Variants in DNM3 observed in about 807,000 individuals in gnomAD.
DNM3 encodes dynamin 3.
Under a neutral mutation model 101.6 loss-of-function variants are expected in DNM3, and 47 were observed. That is an observed-to-expected ratio of 0.46 (90% CI 0.37 to 0.59). The LOEUF is 0.59. Among genes scored for constraint, DNM3 ranks in the 20% least tolerant of loss-of-function variants. The probability of loss-of-function intolerance (pLI) is 0.00; values close to 1 mark genes in which losing one functional copy is unlikely to be tolerated. For synonymous variants in DNM3, 385 were observed against 387.9 expected (o/e 0.99, Z 0.09); for missense variants, 849 against 1,085.7 (o/e 0.78, Z 3.06).
At chr1:171,842,384 G>C (rs747352335) in intron 1 of DNM3, among the ~76,000 whole-genome samples, 6 of 152,200 alleles carry the variant, frequency 3.9e-5, no homozygotes, top group Non-Finnish European at 8.8e-5. Context: ...TGGGGAGGCG[G>C]GGTGCGAGGA....
At chr1:171,899,048 C>T (rs1045493557) in intron 1 of DNM3, among the ~76,000 whole-genome samples, 15 of 152,208 alleles carry the variant, frequency 9.9e-5, no homozygotes, top group Non-Finnish European at 1.9e-4. Flanking sequence ...CTCTTAGCCC[C>T]TCCGGACGCT....
intron 1 of DNM3, among the ~76,000 whole-genome samples, chr1:171,843,517 T>G (rs745746056): frequency 5.9e-5 from 9 of 152,234 alleles, no homozygotes; most frequent in Non-Finnish European, 1.0e-4. Flanking sequence ...CTATTTTTGT[T>G]TTTTAAACAA....
At chr1:171,853,287 C>G (rs2033191828) in intron 1 of DNM3, among the ~76,000 whole-genome samples, 1 of 152,028 alleles carries the variant, frequency 6.6e-6, no homozygotes, top group Non-Finnish European at 1.5e-5. Flanking sequence ...CCTCAGCCTT[C>G]CGAGTAGCTG....
chr1:171,971,469 C>A (rs1274377802), intron 2 of DNM3, among the ~76,000 whole-genome samples: 2 of 152,124 alleles, frequency 1.3e-5, no homozygotes, highest in African/African-American at 4.8e-5. Context: ...AGTTTGTCTT[C>A]TTTTCCAACT....
intron 11 of DNM3, among the ~76,000 whole-genome samples, chr1:172,069,390 A>T (rs2051977278): frequency 6.6e-6 from 1 of 152,148 alleles, no homozygotes; most frequent in African/African-American, 2.4e-5. Context: ...CAGCTTATCC[A>T]TACAACCTAT....
chr1:172,029,514 C>T (rs1318571946), intron 4 of DNM3, among the ~76,000 whole-genome samples: 6 of 152,206 alleles, frequency 3.9e-5, no homozygotes, highest in African/African-American at 2.4e-5. Context: ...GATGCCTTCT[C>T]TCACCACTCC....
At chr1:171,893,161 A>T (rs2037448804) in intron 1 of DNM3, among the ~76,000 whole-genome samples, 1 of 152,026 alleles carries the variant, frequency 6.6e-6, no homozygotes, top group Non-Finnish European at 1.5e-5. Context: ...ATAGAGTTAG[A>T]CTGTCTGTTT....
At chr1:172,371,741 C>T (rs139123690) in intron 17 of DNM3, among the ~76,000 whole-genome samples, 51 of 152,018 alleles carry the variant, frequency 3.4e-4, no homozygotes, top group African/African-American at 8.9e-4. Context: ...CATCTAATTC[C>T]GTAGTTCATA....
At chr1:171,943,530 A>C (rs765657578) in intron 2 of DNM3, among the ~76,000 whole-genome samples, 15 of 152,340 alleles carry the variant, frequency 9.8e-5, no homozygotes, top group Non-Finnish European at 2.1e-4. Context: ...CTTAACCCAG[A>C]CATTCCTTTC....
intron 1 of DNM3, among the ~76,000 whole-genome samples, chr1:171,902,394 T>C (rs892668425): frequency 1.3e-5 from 2 of 152,264 alleles, no homozygotes; most frequent in Non-Finnish European, 2.9e-5. Context: ...GTAGCCCTGT[T>C]GATATTCAGG....
chr1:171,919,664 T>TGATTGTTGAAGCCATCTAAAC (rs1299906267), intron 1 of DNM3, among the ~76,000 whole-genome samples: 2 of 152,238 alleles, frequency 1.3e-5, no homozygotes, highest in African/African-American at 4.8e-5. Context: ...AAATTTTAAA[T>TGATTGTTGAAGCCATCTAAAC]GATTGTTGAA....
intron 12 of DNM3, 85 bp downstream of exon 12, chr1:172,081,987 C>T (rs2053184363): frequency 7.4e-7 from 1 of 1,358,570 alleles, no homozygotes. Context: ...ACAGTTTCAC[C>T]ACCTTTGAGA....
At chr1:172,376,067 T>A (rs1355460517) in intron 17 of DNM3, 1 of 152,116 alleles carries the variant, frequency 6.6e-6, no homozygotes, top group Non-Finnish European at 1.5e-5. Flanking sequence ...AGCCTGTTTC[T>A]TAAATACCAT....
At chr1:171,864,676 G>T (rs960883887) in intron 1 of DNM3, 1 of 152,130 alleles carries the variant, frequency 6.6e-6, no homozygotes, top group Admixed American at 6.5e-5. Context: ...TTGGAAGGAG[G>T]CACAACACTT....
Position 172,032,486 on chromosome 1 carries a change from T to C in DNM3, c.674T>C (p.Leu225Ser). ...AGGGATGTTCTAGAGAACAAACTGT[T>C]GCCTCTTCGCAGGGGTAATGTACTG... is the stretch of plus-strand genomic sequence containing the variant. ...DARDVLENKL[L>S]PLRRGYVGVV... Residue 225 changes from leucine to serine, a missense_variant, in exon 5 of 21, where the codon TTG becomes TCG. By Grantham distance (145) the Leu-to-Ser change is moderately radical (BLOSUM62 -2). Around this residue, in one of 5 missense-constraint regions of DNM3, gnomAD observed 388 missense variants for 483.0 expected, o/e 0.80. Transcript: ENST00000627582. 1 of 1,600,834 alleles carries C rather than the reference T, an allele frequency of 6.2e-7. No individual in the cohort carries two copies. Among genetic ancestry groups the C allele is most frequent in the Non-Finnish European group, 8.5e-7 (1 of 1,170,884 alleles).
intron 15 of DNM3, among the ~76,000 whole-genome samples, chr1:172,306,737 C>A (rs1322070378): frequency 6.6e-6 from 1 of 151,832 alleles, no homozygotes; most frequent in Admixed American, 6.6e-5. Flanking sequence ...ACATCTACAA[C>A]CATCTCTTTG....
rs182162973 is a variant in DNM3, at chr1:172,247,473, T to C, written c.1660-6100T>C. On this transcript the variant is annotated intron_variant, in intron 14 of 20. Coordinates refer to ENST00000627582, the MANE Select transcript of DNM3 (RefSeq NM_015569.5). ...TAGAACCTGTTTGTAATTTGATTAT[T>C]TGATAGCTTGAGAAAGATTGTCATG... is the stretch of plus-strand genomic sequence containing the variant. Among the ~76,000 whole-genome samples, 717 of 152,272 alleles carry C rather than the reference T, an allele frequency of 4.7e-3. 4 individuals carry two copies. The highest frequency in any genetic ancestry group is 5.8e-3 in the Non-Finnish European group (393 of 68,012).
intron 2 of DNM3, among the ~76,000 whole-genome samples, chr1:171,955,587 T>G (rs780508345): frequency 2.0e-5 from 3 of 152,190 alleles, no homozygotes; most frequent in Non-Finnish European, 4.4e-5. Flanking sequence ...ACCATACATA[T>G]TTCCATTCCC....
chr1:172,044,541 C>A, intron 9 of DNM3, 89 bp downstream of exon 9: 2 of 1,096,592 alleles, frequency 1.8e-6, no homozygotes. Context: ...GTCTTTTCAT[C>A]ATTGAATAGG....
Sources: gnomAD v4.1 joint callset for allele counts (sites outside exome capture counted in the v4.1 genomes callset) on GRCh38, gnomAD v4.1.1 for gene constraint, gnomAD v4.1.1 regional missense constraint, MANE v1.5 for transcripts, NCBI Gene and HGNC (gene_info 2026-07-23, HGNC 2026-07-21) for gene names.